DNAH2: variants seen among roughly 807,000 people sequenced by gnomAD.
DNAH2 encodes the protein axonemal beta dynein heavy chain 2.
Under a neutral mutation model 523.5 loss-of-function variants are expected in DNAH2, and 323 were observed. That is an observed-to-expected ratio of 0.62 (90% CI 0.56 to 0.68). DNAH2 has a LOEUF of 0.68. Ranked by LOEUF, DNAH2 falls within the 30% of genes least tolerant of loss-of-function variation. The pLI is 0.00. For synonymous variants in DNAH2, 2,093 were observed against 2,177.4 expected (o/e 0.96, Z 1.08); for missense variants, 4,907 against 5,701.5 (o/e 0.86, Z 4.49).
Position 7,733,143 on chromosome 17 carries a change from G to T in DNAH2, c.456G>T (p.Glu152Asp), listed in dbSNP as rs2075038393. Residue 152 changes from glutamate (E) to aspartate (D), a missense_variant, in exon 5 of 86, where the codon GAG becomes GAT. This residue lies in a region of DNAH2 where 2,806 missense variants were observed against 3,190.8 expected (regional missense o/e 0.88). Transcript: ENST00000572933. ...AAGCACCAGTTCCCATCACCTGGGA[G>T]AACTTCGAGGCAACTGTGCAGTTTG... is the stretch of plus-strand genomic sequence containing the variant. ...IRQAPVPITW[E>D]NFEATVQFGT... 2 of 1,614,100 alleles carry T rather than the reference G, an allele frequency of 1.2e-6. No homozygotes were observed. Among genetic ancestry groups the T allele is most frequent in the African/African-American group, 1.3e-5 (1 of 74,944 alleles).
chr17:7,785,962 A>C (rs79155573), intron 39 of DNAH2, among the ~76,000 whole-genome samples, 162 bp from the exon 40 acceptor site: 1,606 of 152,250 alleles, frequency 0.011, 13 homozygotes, highest in Middle Eastern at 0.034. Flanking sequence ...TCAACTCTGC[A>C]ATGGGCCAGC....
chr17:7,764,164 A>G lies in DNAH2; in HGVS notation c.3227A>G (p.Gln1076Arg). 6.2e-7 allele frequency: 1 copy of G among 1,614,190 alleles called. No homozygotes were observed. The highest frequency in any genetic ancestry group is 1.1e-5 in the South Asian group (1 of 91,084). ...CTGGAGGAACTGGGGGTCAGCTTGC[A>G]GCTCGTGGATGCCCTGAAGCACGAC... Reference protein sequence around the residue: ...QTLEELGVSLQLVDALKHDLA... With the variant: ...QTLEELGVSLRLVDALKHDLA... Residue 1076 changes from glutamine (Q) to arginine (R), a missense_variant, in exon 20 of 86, where the codon CAG (glutamine) becomes CGG (arginine). Physicochemically the swap from Gln to Arg is conservative, Grantham distance 43 (BLOSUM62 1). Coordinates refer to ENST00000572933, the MANE Select transcript of DNAH2 (RefSeq NM_020877.5).
At position 7,797,814 on chromosome 17, in the gene DNAH2, G is replaced by C. The variant is rs2077108022; in HGVS notation, c.8215G>C (p.Glu2739Gln). The C allele has an allele frequency of 1.2e-6, 2 of 1,612,336 alleles. No homozygotes were observed. The highest frequency in any genetic ancestry group is 3.3e-5 in the Admixed American group (2 of 59,886). ...VVPMQLVLFR[E>Q]AIEHITRIVR... ...GCCCATGCAGCTAGTGCTCTTCCGA[G>C]AGGCTATTGAACACAGTGAGCACCT... Residue 2739 changes from glutamate to glutamine, a missense_variant, in exon 53 of 86, where the codon GAG becomes CAG. Around this residue, in one of 3 missense-constraint regions of DNAH2, gnomAD observed 250 missense variants for 371.3 expected, o/e 0.67. Coordinates refer to ENST00000572933, the MANE Select transcript of DNAH2 (RefSeq NM_020877.5).
At position 7,819,191 on chromosome 17, in the gene DNAH2, A is replaced by T. The variant is rs370966089; in HGVS notation, c.10816-18A>T. On this transcript the variant is annotated intron_variant, in intron 71 of 85. Transcript: ENST00000572933. ...CACGTCCCTCAGTGGCCCTGACTCC[A>T]CCCATCCCCACCGGCAGGCTTACCG... The T allele has an allele frequency of 1.4e-4, 223 of 1,611,738 alleles. No homozygotes were observed. Among genetic ancestry groups the T allele is most frequent in the Middle Eastern group, 3.4e-4 (2 of 5,938 alleles).
intron 18 of DNAH2, 113 bp downstream of exon 18, chr17:7,761,045 C>A: frequency 7.5e-7 from 1 of 1,324,720 alleles, no homozygotes; most frequent in Non-Finnish European, 1.0e-6. Context: ...GACATGTGTC[C>A]TCAATGACAG....
rs757229590 is a variant in DNAH2, at chr17:7,830,372, G to A, written c.11926G>A (p.Ala3976Thr). ...EPQFSRCSKP[A>T]KYKKLLFSLC... ...ACAGTTTTCCCGCTGCTCCAAACCT[G>A]CCAAATATAAGAAGCTGCTGTTTTC... Residue 3976 changes from alanine to threonine, a missense_variant, in exon 78 of 86, where the codon GCC (alanine) becomes ACC (threonine). Around this residue, in one of 3 missense-constraint regions of DNAH2, gnomAD observed 1,851 missense variants for 2,139.4 expected, o/e 0.87. Transcript: ENST00000572933. 1.3e-5 allele frequency: 21 copies of A among 1,614,200 alleles called. No individual in the cohort carries two copies. Among genetic ancestry groups the A allele is most frequent in the Non-Finnish European group, 1.8e-5 (21 of 1,180,036 alleles).
chr17:7,745,833 A>G (rs1011639764), intron 12 of DNAH2, among the ~76,000 whole-genome samples: 2 of 151,806 alleles, frequency 1.3e-5, no homozygotes, highest in African/African-American at 4.8e-5. Flanking sequence ...GAAATGCCAT[A>G]TGTGAGCACT....
At chr17:7,723,943 T>A (rs1365830986) in intron 3 of DNAH2, among the ~76,000 whole-genome samples, 1 of 152,212 alleles carries the variant, frequency 6.6e-6, no homozygotes, top group African/African-American at 2.4e-5. Flanking sequence ...CAAACTGTGA[T>A]GAGCTTATTC....
In DNAH2 at chr17:7,823,911, T is replaced by C. The variant is rs2077941549; in HGVS notation, c.11407T>C (p.Cys3803Arg). The change falls in exon 75 of 86, where the codon TGC becomes CGC. Residue 3803 changes from cysteine (C) to arginine (R), a missense_variant. Around this residue, in one of 3 missense-constraint regions of DNAH2, gnomAD observed 1,851 missense variants for 2,139.4 expected, o/e 0.87. Transcript: ENST00000572933. Reference sequence around the variant, plus strand: ...CCTGCGCCAGGACCGCGTGGCCTTCTGCGTGACCTCCTTCATCATCACCAA... The same window carrying C: ...CCTGCGCCAGGACCGCGTGGCCTTCCGCGTGACCTCCTTCATCATCACCAA... ...RSLRQDRVAFCVTSFIITNLG... is the reference protein window; with the variant it reads ...RSLRQDRVAFRVTSFIITNLG... 6.2e-7 allele frequency: 1 copy of C among 1,613,994 alleles called. No homozygotes were observed. Among genetic ancestry groups the C allele is most frequent in the African/African-American group, 1.3e-5 (1 of 74,942 alleles).
chr17:7,771,663 G>A (rs943222027), intron 28 of DNAH2, among the ~76,000 whole-genome samples, 195 bp downstream of exon 28: 2 of 152,120 alleles, frequency 1.3e-5, no homozygotes, highest in Non-Finnish European at 2.9e-5. Context: ...GTATAATAAT[G>A]TAGTGGTTAA....
chr17:7,740,009 T>A (rs2075261809), intron 9 of DNAH2, 71 bp downstream of exon 9: 2 of 1,336,014 alleles, frequency 1.5e-6, no homozygotes, highest in Middle Eastern at 2.7e-4. Context: ...GTGGGAGGAG[T>A]GGCGAGAGTA....
intron 9 of DNAH2, 127 bp downstream of exon 9, chr17:7,740,065 C>CGG: frequency 1.0e-5 from 5 of 493,074 alleles, no homozygotes; most frequent in South Asian, 1.1e-4. Flanking sequence ...GGGCGGTGGC[C>CGG]CGGGGGGGGG....
rs1312517474 is a variant in DNAH2 at position 7,788,010 on chromosome 17, C to A, written c.6741+13C>A. 8.1e-6 allele frequency: 13 copies of A among 1,613,794 alleles called. No homozygotes were observed. The highest frequency in any genetic ancestry group is 1.3e-5 in the African/African-American group (1 of 74,940). On this transcript the variant is annotated intron_variant, in intron 43 of 85. Coordinates refer to ENST00000572933, the MANE Select transcript of DNAH2 (RefSeq NM_020877.5). Reference sequence around the variant, plus strand: ...GAAGAGGCCAAAGGTATGAAGGGAACTGAGGAGAGGGAAAGTAACCAGGGT... The same window carrying A: ...GAAGAGGCCAAAGGTATGAAGGGAAATGAGGAGAGGGAAAGTAACCAGGGT...
At chr17:7,745,358 G>A (rs370538282) in intron 12 of DNAH2, among the ~76,000 whole-genome samples, 1 of 152,136 alleles carries the variant, frequency 6.6e-6, no homozygotes, top group Non-Finnish European at 1.5e-5. Context: ...GAAATGCTGT[G>A]TGTGTGTAGG....
chr17:7,789,283 G>A (rs938391391), intron 44 of DNAH2, among the ~76,000 whole-genome samples: 2 of 152,262 alleles, frequency 1.3e-5, no homozygotes, highest in Non-Finnish European at 2.9e-5. Flanking sequence ...CTGGGTAGGG[G>A]AGGCTTCCCG....
chr17:7,807,000 A>G, intron 61 of DNAH2, 150 bp from the exon 62 acceptor site: 1 of 867,246 alleles, frequency 1.2e-6, no homozygotes, highest in Non-Finnish European at 1.8e-6. Context: ...GTCAAGTCAG[A>G]GGGAGGAACT....
At position 7,823,973 on chromosome 17, in the gene DNAH2, T is replaced by C; in HGVS notation, c.11469T>C (p.Asn3823=). The C allele has an allele frequency of 6.2e-7, 1 of 1,613,084 alleles. No individual in the cohort carries two copies. Among genetic ancestry groups the C allele is most frequent in the Non-Finnish European group, 8.5e-7 (1 of 1,179,644 alleles). The change falls in exon 75 of 86, where the codon AAT becomes AAC. Residue 3823 remains asparagine (N), a synonymous_variant. Coordinates refer to ENST00000572933, the MANE Select transcript of DNAH2 (RefSeq NM_020877.5). ...GSRFIEPPVL[N]MKSVLEDSTP... Reference sequence around the variant, plus strand: ...GCTTCATCGAGCCGCCTGTGCTGAATATGAAGTCGGTCGGTGGCTCGGCTT... The same window carrying C: ...GCTTCATCGAGCCGCCTGTGCTGAACATGAAGTCGGTCGGTGGCTCGGCTT...
chr17:7,768,150 C>T lies in DNAH2; in HGVS notation c.3838-14C>T, dbSNP rs748301762. The T allele has an allele frequency of 6.2e-7, 1 of 1,614,080 alleles. No homozygotes were observed. Among genetic ancestry groups the T allele is most frequent in the African/African-American group, 1.3e-5 (1 of 74,924 alleles). The stretch of plus-strand genomic sequence containing the variant: ...AGGTCGTCGGGTCTTCTCATGCCCC[C>T]AACTTTTGCTCAGGACCGAAACTGG... On this transcript the variant is annotated splice_polypyrimidine_tract_variant and intron_variant, in intron 23 of 85. Transcript: ENST00000572933.
At chr17:7,817,262 C>G in intron 64 of DNAH2, 28 bp from the exon 65 acceptor site, 1 of 1,577,372 alleles carries the variant, frequency 6.3e-7, no homozygotes, top group Middle Eastern at 1.8e-4. Context: ...GGGGCCCAGG[C>G]AGGCTTACCC....
Sources: gnomAD v4.1 joint callset for allele counts (sites outside exome capture counted in the v4.1 genomes callset) on GRCh38, gnomAD v4.1.1 for gene constraint, gnomAD v4.1.1 regional missense constraint, MANE v1.5 for transcripts, NCBI Gene and HGNC (gene_info 2026-07-23, HGNC 2026-07-21) for gene names.